WDR88: variants seen among roughly 807,000 people sequenced by gnomAD.
The protein encoded by WDR88 is WD repeat domain 88.
In WDR88, 40 loss-of-function variants were observed where a neutral mutation model predicts 46.8. That is an observed-to-expected ratio of 0.86 (90% CI 0.66 to 1.11). WDR88 has a LOEUF of 1.11. Ranked by LOEUF, WDR88 falls within the 50% of genes most tolerant of loss-of-function variation. WDR88 has a pLI of 0.00. For synonymous variants in WDR88, 235 were observed against 240.7 expected (o/e 0.98, Z 0.22); for missense variants, 562 against 602.4 (o/e 0.93, Z 0.70).
At chr19:33,132,511 C>G in intron 1 of WDR88, 66 bp downstream of exon 1, 1 of 1,578,356 alleles carries the variant, frequency 6.3e-7, no homozygotes, top group East Asian at 2.3e-5. Flanking sequence ...GGCGCTCGAG[C>G]TGTCGGGGGA....
intron 2 of WDR88, among the ~76,000 whole-genome samples, chr19:33,142,533 T>C (rs951789681): frequency 6.6e-6 from 1 of 151,700 alleles, no homozygotes; most frequent in South Asian, 2.1e-4. Context: ...GGATGGGGCA[T>C]GGAACAGGCA....
intron 2 of WDR88, among the ~76,000 whole-genome samples, chr19:33,140,572 C>G (rs1973369312): frequency 6.6e-6 from 1 of 152,154 alleles, no homozygotes; most frequent in South Asian, 2.1e-4. Flanking sequence ...AGCAAATCAC[C>G]TGAGATCAGG....
In WDR88 at chr19:33,156,468, G is replaced by A. The variant is rs770635793; in HGVS notation, c.923G>A (p.Arg308Gln). 1.4e-5 allele frequency: 23 copies of A among 1,614,010 alleles called. No individual in the cohort carries two copies. The highest frequency in any genetic ancestry group is 2.2e-5 in the South Asian group (2 of 91,088). Residue 308 changes from arginine (R) to glutamine (Q), a missense_variant, in exon 7 of 11, where the codon CGA (arginine) becomes CAA (glutamine). Transcript: ENST00000355868. ...TGGAACGTCCACACAGGGGAGTTTCGAAACTGTGGAGCCTGTGTGACTCTG... is the reference window on the plus strand; with the variant it reads ...TGGAACGTCCACACAGGGGAGTTTCAAAACTGTGGAGCCTGTGTGACTCTG... ...KIWNVHTGEF[R>Q]NCGACVTLMQ...
At chr19:33,151,039 G>A (rs1370912325) in intron 5 of WDR88, 142 bp from the exon 6 acceptor site, 2 of 986,444 alleles carry the variant, frequency 2.0e-6, no homozygotes, top group Non-Finnish European at 3.0e-6. Context: ...TAGTCACTCA[G>A]GAATGTTTGT....
chr19:33,147,654 C>A lies in WDR88; in HGVS notation c.486C>A (p.Ala162=). The part of the protein sequence containing the change: ...SITGDSSRVI[A]ASYDKTVRAW... ...GTCATCTTATTTCCAGAGTCATTGCCGCATCCTATGATAAGACAGTGAGGG... is the reference window on the plus strand; with the variant it reads ...GTCATCTTATTTCCAGAGTCATTGCAGCATCCTATGATAAGACAGTGAGGG... The change falls in exon 4 of 11, where the codon GCC becomes GCA. Residue 162 remains alanine, a synonymous_variant. Coordinates refer to ENST00000355868, the MANE Select transcript of WDR88 (RefSeq NM_173479.4). 6.2e-7 allele frequency: 1 copy of A among 1,613,738 alleles called. No homozygotes were observed. The highest frequency in any genetic ancestry group is 8.5e-7 in the Non-Finnish European group (1 of 1,179,846).
At chr19:33,134,265 C>A (rs774558395) in intron 1 of WDR88, among the ~76,000 whole-genome samples, 22 of 152,098 alleles carry the variant, frequency 1.4e-4, no homozygotes, top group Admixed American at 2.6e-4. Flanking sequence ...TGGTTCCCCC[C>A]TCTTGCTAAT....
chr19:33,173,782 T>C (rs73571966), intron 10 of WDR88, among the ~76,000 whole-genome samples: 6,447 of 152,358 alleles, frequency 0.042, 440 homozygotes, highest in African/African-American at 0.15. Flanking sequence ...TGAGCCCTGT[T>C]GTTCTGGGGT....
rs553828536 is a variant in WDR88 at position 33,146,057 on chromosome 19, G to A, written c.476+1125G>A. Among the ~76,000 whole-genome samples, 11 of 152,260 alleles carry A rather than the reference G, an allele frequency of 7.2e-5. No homozygotes were observed. The South Asian group carries it at 1.5e-3, about 20-fold the overall frequency. On this transcript the variant is annotated intron_variant, in intron 3 of 10. Coordinates refer to ENST00000355868, the MANE Select transcript of WDR88 (RefSeq NM_173479.4). ...AGGAGAGGAAAACAGCTGGGAGGCT[G>A]AGGCGGGCGGATCACCTGAGGTCGG...
intron 6 of WDR88, among the ~76,000 whole-genome samples, chr19:33,153,241 T>C (rs1193958633): frequency 6.7e-6 from 1 of 150,166 alleles, no homozygotes; most frequent in African/African-American, 2.5e-5. Flanking sequence ...TTTTTTTTTT[T>C]TTTTGCAGAA....
chr19:33,165,846 T>C lies in WDR88; in HGVS notation c.1149+1581T>C, dbSNP rs1973944143. On this transcript the variant is annotated intron_variant, in intron 9 of 10. Transcript: ENST00000355868. ...AGGCAGAGGTTGCAGTGAGCCGAGA[T>C]CACGAGATCAAGCCATGGCCCTCCA... 3.4e-5 allele frequency among the ~76,000 whole-genome samples: 5 copies of C among 145,696 alleles called. No individual in the cohort carries two copies. In the Admixed American group the frequency reaches 3.5e-4, roughly 10 times the overall value.
At chr19:33,162,693 C>T (rs948652643) in intron 8 of WDR88, among the ~76,000 whole-genome samples, 5 of 152,216 alleles carry the variant, frequency 3.3e-5, no homozygotes, top group Middle Eastern at 3.4e-3. Flanking sequence ...TATAATATTT[C>T]TCCCCCAATC....
At chr19:33,168,769 C>CA (rs1973992621) in intron 9 of WDR88, among the ~76,000 whole-genome samples, 1 of 151,622 alleles carries the variant, frequency 6.6e-6, no homozygotes. Flanking sequence ...CCCGAATAGC[C>CA]AAAAGAATCT....
intron 9 of WDR88, among the ~76,000 whole-genome samples, chr19:33,168,322 G>A (rs955922801): frequency 1.6e-4 from 25 of 152,008 alleles, no homozygotes; most frequent in Admixed American, 1.0e-3. Flanking sequence ...CACCGTGCCC[G>A]GCCCCAAAAT....
intron 10 of WDR88, among the ~76,000 whole-genome samples, chr19:33,173,268 G>A (rs1488245238): frequency 6.6e-5 from 10 of 152,116 alleles, no homozygotes; most frequent in Admixed American, 6.6e-4. Context: ...GAATGGCCGG[G>A]TACACAGCTG....
intron 2 of WDR88, among the ~76,000 whole-genome samples, chr19:33,138,977 C>T (rs533368892): frequency 7.9e-5 from 12 of 152,026 alleles, no homozygotes; most frequent in South Asian, 2.1e-4. Flanking sequence ...CCACTGTGCC[C>T]GGCCACCCCA....
At chr19:33,149,946 C>T (rs1973599521) in intron 5 of WDR88, among the ~76,000 whole-genome samples, 1 of 152,018 alleles carries the variant, frequency 6.6e-6, no homozygotes, top group Non-Finnish European at 1.5e-5. Context: ...GGGCATGAGC[C>T]ACTGTGCCCA....
intron 2 of WDR88, among the ~76,000 whole-genome samples, chr19:33,138,216 T>A (rs1973315885): frequency 1.3e-5 from 2 of 152,024 alleles, no homozygotes; most frequent in African/African-American, 4.8e-5. Flanking sequence ...TTGTTTTTTG[T>A]TTTTTTGTGT....
chr19:33,151,481 G>GTGGGC (rs151044347), intron 6 of WDR88, among the ~76,000 whole-genome samples, 171 bp downstream of exon 6: 5,895 of 152,228 alleles, frequency 0.039, 363 homozygotes, highest in African/African-American at 0.13. Context: ...GCTGTGGCCT[G>GTGGGC]TGGGCTGGGC....
At chr19:33,144,323 A>G (rs1316776777) in intron 2 of WDR88, among the ~76,000 whole-genome samples, 1 of 152,054 alleles carries the variant, frequency 6.6e-6, no homozygotes, top group East Asian at 1.9e-4. Context: ...CCTCAGCCTC[A>G]TGAATAGCTG....
Sources: gnomAD v4.1 joint callset for allele counts (sites outside exome capture counted in the v4.1 genomes callset) on GRCh38, gnomAD v4.1.1 for gene constraint, MANE v1.5 for transcripts, NCBI Gene and HGNC (gene_info 2026-07-23, HGNC 2026-07-21) for gene names.